The following ULK4 variants were observed in gnomAD, a reference collection of about 807,000 sequenced individuals.
The protein encoded by ULK4 is inactive serine/threonine-protein kinase ULK4.
ULK4 carries 133 observed loss-of-function variants against 160.6 expected under a neutral mutation model. That is an observed-to-expected ratio of 0.83 (90% confidence interval 0.72 to 0.96). The LOEUF (loss-of-function observed/expected upper bound fraction) is 0.96. Ranked by LOEUF, ULK4 falls within the 40% of genes least tolerant of loss-of-function variation. The pLI is 0.00. For missense variants in ULK4, 1,580 were observed against 1,499.5 expected (o/e 1.05, Z -0.89); for synonymous variants, 534 against 539.8 (o/e 0.99, Z 0.15).
At chr3:41,409,893 G>A (rs1273370028) in intron 34 of ULK4, among the ~76,000 whole-genome samples, 2 of 151,728 alleles carry the variant, frequency 1.3e-5, no homozygotes, top group African/African-American at 2.4e-5. Flanking sequence ...AGGTTGCAGT[G>A]AGCAGAGATC....
intron 34 of ULK4, among the ~76,000 whole-genome samples, chr3:41,431,460 A>G (rs991133544): frequency 6.6e-6 from 1 of 150,486 alleles, no homozygotes; most frequent in African/African-American, 2.4e-5. Context: ...GGGGTGTTTA[A>G]CATATGCCAA....
intron 32 of ULK4, among the ~76,000 whole-genome samples, chr3:41,539,987 G>A (rs950697198): frequency 6.6e-5 from 10 of 151,942 alleles, no homozygotes; most frequent in African/African-American, 2.4e-4. Context: ...CAAAGTTAGA[G>A]GAGAATATTT....
In ULK4 at chr3:41,876,024, G is replaced by A. The variant is rs533146892; in HGVS notation, c.1656+7850C>T. Among the ~76,000 whole-genome samples the A allele has an allele frequency of 2.0e-5, 3 of 149,492 alleles. 1 individual carries two copies. The South Asian group carries it at 6.3e-4, about 31-fold the overall frequency. On this transcript the variant is annotated intron_variant, in intron 17 of 36. Coordinates refer to ENST00000301831, the MANE Select transcript of ULK4 (RefSeq NM_017886.4). ...ATGAAGCGTCCAGACCTAACCTACA[G>A]TTTATAGGAAATGTGTGGACTAGAG...
At chr3:41,833,843 G>A (rs553916341) in intron 18 of ULK4, among the ~76,000 whole-genome samples, 25 of 151,850 alleles carry the variant, frequency 1.6e-4, no homozygotes, top group Admixed American at 1.4e-3. Context: ...ATTTAAATGC[G>A]CTTTATTTCT....
At chr3:41,960,299 TAC>T (rs1348457806) in intron 1 of ULK4, among the ~76,000 whole-genome samples, 6 of 152,216 alleles carry the variant, frequency 3.9e-5, no homozygotes, top group African/African-American at 1.2e-4. Context: ...GGTGGTTTGT[TAC>T]TTTCAAGCAT....
intron 29 of ULK4, among the ~76,000 whole-genome samples, chr3:41,674,466 A>C (rs1369062662): frequency 6.6e-6 from 1 of 152,186 alleles, no homozygotes; most frequent in Non-Finnish European, 1.5e-5. Flanking sequence ...TAATTTTCTG[A>C]GTATATGTGG....
intron 18 of ULK4, among the ~76,000 whole-genome samples, chr3:41,825,338 A>G (rs542113760): frequency 2.8e-4 from 43 of 152,348 alleles, no homozygotes; most frequent in African/African-American, 1.0e-3. Flanking sequence ...TTGAGAGAAG[A>G]AGGCTTCAGA....
At chr3:41,960,234 G>A (rs1299065245) in intron 1 of ULK4, among the ~76,000 whole-genome samples, 2 of 152,032 alleles carry the variant, frequency 1.3e-5, no homozygotes, top group Non-Finnish European at 2.9e-5. Context: ...GTCACATGTG[G>A]ACAATTTCAG....
intron 35 of ULK4, among the ~76,000 whole-genome samples, chr3:41,300,860 T>A (rs1213541777): frequency 9.2e-6 from 1 of 109,046 alleles, no homozygotes; most frequent in South Asian, 2.8e-4. Flanking sequence ...TATATATATA[T>A]ATATATATAT....
At chr3:41,601,367 A>T (rs901837562) in intron 31 of ULK4, among the ~76,000 whole-genome samples, 1 of 152,158 alleles carries the variant, frequency 6.6e-6, no homozygotes, top group African/African-American at 2.4e-5. Context: ...GAGAGGGAAG[A>T]CACATCTCCT....
chr3:41,493,995 G>A (rs1195045628), intron 32 of ULK4, among the ~76,000 whole-genome samples: 1 of 147,318 alleles, frequency 6.8e-6, no homozygotes, highest in East Asian at 2.0e-4. Context: ...AATTCTACCA[G>A]AGGTACAAGG....
intron 34 of ULK4, among the ~76,000 whole-genome samples, chr3:41,432,678 T>C (rs896336161): frequency 1.3e-5 from 2 of 152,230 alleles, no homozygotes; most frequent in African/African-American, 4.8e-5. Context: ...TTAATGATTA[T>C]GATGCATGGA....
chr3:41,445,921 A>G (rs944479944), intron 34 of ULK4, among the ~76,000 whole-genome samples: 4 of 152,112 alleles, frequency 2.6e-5, no homozygotes, highest in African/African-American at 9.6e-5. Flanking sequence ...AGAAACCACC[A>G]TCAGAGTGAA....
At chr3:41,809,787 A>T (rs554833063) in intron 19 of ULK4, among the ~76,000 whole-genome samples, 1 of 152,110 alleles carries the variant, frequency 6.6e-6, no homozygotes, top group Non-Finnish European at 1.5e-5. Flanking sequence ...TTTTTTCAAT[A>T]ATTTATTTTT....
rs73828024 is a variant in ULK4 at position 41,435,581 on chromosome 3, T to C, written c.3492+19916A>G. Among the ~76,000 whole-genome samples, 390 of 152,314 alleles carry C rather than the reference T, an allele frequency of 2.6e-3. 1 individual carries two copies. Among genetic ancestry groups the C allele is most frequent in the African/African-American group, 9.0e-3 (373 of 41,568 alleles). On this transcript the variant is annotated intron_variant, in intron 34 of 36. Transcript: ENST00000301831. Reference sequence around the variant, plus strand: ...ATAGTAACTTTGAACTGAGTATGCATACAATTACTTTTGGACCCAAGTGAA... The same window carrying C: ...ATAGTAACTTTGAACTGAGTATGCACACAATTACTTTTGGACCCAAGTGAA...
chr3:41,391,388 T>C (rs1421546160), intron 35 of ULK4, among the ~76,000 whole-genome samples: 2 of 152,106 alleles, frequency 1.3e-5, no homozygotes, highest in Non-Finnish European at 2.9e-5. Flanking sequence ...TTTTACTGGT[T>C]TTACATCAAT....
chr3:41,705,291 A>G lies in ULK4; in HGVS notation c.2649T>C (p.Ser883=), dbSNP rs61650641. Residue 883 remains serine, a synonymous_variant, in exon 26 of 37, where the codon TCT becomes TCC. Coordinates refer to ENST00000301831, the MANE Select transcript of ULK4 (RefSeq NM_017886.4). ...CTATGTTCGTTTCTCCTGAGTCTAC[A>G]GATTTAATATGACTCTGAAAAAAAA... ...SYGTILSHIK[S]VDSGETNIDG... 275 of 1,611,262 alleles carry G rather than the reference A, an allele frequency of 1.7e-4. 1 individual carries two copies. In the African/African-American group the frequency reaches 3.2e-3, roughly 19 times the overall value.
chr3:41,264,007 G>A (rs891472842), intron 35 of ULK4, among the ~76,000 whole-genome samples: 6 of 152,298 alleles, frequency 3.9e-5, no homozygotes, highest in Non-Finnish European at 1.5e-5. Flanking sequence ...CATGAAGAAA[G>A]TAAAGGAGGG....
chr3:41,438,978 T>TA (rs10591684), intron 34 of ULK4, among the ~76,000 whole-genome samples: 4,212 of 134,510 alleles, frequency 0.031, 196 homozygotes, highest in African/African-American at 0.098. Flanking sequence ...CAGGAAAATT[T>TA]AAAAAAAAAA....
Sources: gnomAD v4.1 joint callset for allele counts (sites outside exome capture counted in the v4.1 genomes callset) on GRCh38, gnomAD v4.1.1 for gene constraint, MANE v1.5 for transcripts, NCBI Gene and HGNC (gene_info 2026-07-23, HGNC 2026-07-21) for gene names.